The following ANK2 variants were observed in gnomAD, a reference collection of about 807,000 sequenced individuals.
ANK2 encodes ankyrin-2.
ANK2 carries 83 observed loss-of-function variants against 360.5 expected under a neutral mutation model. The observed-to-expected ratio is 0.23, with a 90% confidence interval of 0.19 to 0.28. The LOEUF is 0.28. Among genes scored for constraint, ANK2 ranks in the 10% least tolerant of loss-of-function variants. The probability of loss-of-function intolerance (pLI) is 1.00; values close to 1 mark genes in which losing one functional copy is unlikely to be tolerated. For synonymous variants in ANK2, 1,740 were observed against 1,759.5 expected (o/e 0.99, Z 0.28); for missense variants, 4,201 against 4,795.7 (o/e 0.88, Z 3.66).
At chr4:113,101,944 T>A (rs1262849728) in intron 1 of ANK2, among the ~76,000 whole-genome samples, 1 of 152,088 alleles carries the variant, frequency 6.6e-6, no homozygotes, top group Non-Finnish European at 1.5e-5. Context: ...ACATAGGGAC[T>A]GAAAGAAGGC....
In ANK2 at chr4:112,835,925, C is replaced by G. The variant is rs766294811; in HGVS notation, c.-40+17661C>G. 5.7e-4 allele frequency among the ~76,000 whole-genome samples: 86 copies of G among 151,958 alleles called. 1 individual carries two copies. The highest frequency in any genetic ancestry group is 1.1e-3 in the Non-Finnish European group (74 of 67,988). ...ATGAATATTACTTTTTTTCCCTAGG[C>G]TGTTTTCAGGAGTAATAAATAAATA... On this transcript the variant is annotated intron_variant, in intron 1 of 30. Coordinates refer to the ANK2 transcript ENST00000503271.
the ANK2 span, among the ~76,000 whole-genome samples, chr4:112,753,067 C>T: frequency 4.2e-4 from 64 of 152,328 alleles, no homozygotes; most frequent in African/African-American, 1.5e-3. Flanking sequence ...AGTCTGGTCT[C>T]TCCCTCTTCC....
the ANK2 span, among the ~76,000 whole-genome samples, chr4:112,778,728 T>C: frequency 6.6e-6 from 1 of 152,208 alleles, no homozygotes; most frequent in Non-Finnish European, 1.5e-5. Flanking sequence ...GTTACCTAGA[T>C]TATTCGTGTT....
At chr4:112,726,878 C>G in the ANK2 span, among the ~76,000 whole-genome samples, 1 of 150,050 alleles carries the variant, frequency 6.7e-6, no homozygotes, top group African/African-American at 2.5e-5. Flanking sequence ...AAAGAATTCT[C>G]CTATTGCAAA....
chr4:113,064,758 A>G (rs2074991959), intron 1 of ANK2, among the ~76,000 whole-genome samples: 1 of 149,226 alleles, frequency 6.7e-6, no homozygotes, highest in Non-Finnish European at 1.5e-5. Context: ...AAAATGTTAG[A>G]AAGTTCTGTA....
chr4:112,707,775 G>T, the ANK2 span, among the ~76,000 whole-genome samples: 1 of 152,064 alleles, frequency 6.6e-6, no homozygotes, highest in Non-Finnish European at 1.5e-5. Context: ...CACTTTTATT[G>T]ATCTAGCAAA....
chr4:113,315,666 A>AG (rs2082352161), intron 24 of ANK2, among the ~76,000 whole-genome samples: 3 of 152,280 alleles, frequency 2.0e-5, no homozygotes, highest in South Asian at 2.1e-4. Context: ...TGGGAGGCCA[A>AG]GGTGGGCGGA....
intron 1 of ANK2, among the ~76,000 whole-genome samples, chr4:113,083,493 T>C (rs1204266172): frequency 6.6e-6 from 1 of 152,206 alleles, no homozygotes; most frequent in East Asian, 1.9e-4. Context: ...TCTTAATTCC[T>C]CTTGAGTTAG....
intron 1 of ANK2, among the ~76,000 whole-genome samples, chr4:113,155,528 A>G (rs2097254177): frequency 6.6e-6 from 1 of 152,172 alleles, no homozygotes; most frequent in South Asian, 2.1e-4. Flanking sequence ...TAAGATTGTT[A>G]CTTATGACCC....
intron 2 of ANK2, among the ~76,000 whole-genome samples, chr4:112,928,949 T>G (rs2092888189): frequency 6.6e-6 from 1 of 151,662 alleles, no homozygotes; most frequent in African/African-American, 2.4e-5. Flanking sequence ...GCCTCCTGGG[T>G]TCAAGTGATT....
At chr4:113,096,060 A>G (rs896749380) in intron 1 of ANK2, among the ~76,000 whole-genome samples, 4 of 152,156 alleles carry the variant, frequency 2.6e-5, no homozygotes, top group African/African-American at 9.7e-5. Context: ...GCGTCTTACA[A>G]AGTTCATCCC....
chr4:112,928,489 T>A (rs2092826020), intron 2 of ANK2, among the ~76,000 whole-genome samples: 1 of 152,130 alleles, frequency 6.6e-6, no homozygotes, highest in African/African-American at 2.4e-5. Context: ...CTGAACTGTG[T>A]CTTCTCTGAA....
Position 113,158,934 on chromosome 4 carries a change from T to C in ANK2, c.85-15482T>C, listed in dbSNP as rs1227567796. ...TCTTTAAGTGATTTTTGAAGTTTAT[T>C]TTTTGAGTAATTAAAGCTAGCGTAA... is the stretch of plus-strand genomic sequence containing the variant. On this transcript the variant is annotated intron_variant, in intron 1 of 45. Coordinates refer to ENST00000357077, the MANE Select transcript of ANK2 (RefSeq NM_001148.6). Among the ~76,000 whole-genome samples, 3 of 152,208 alleles carry C rather than the reference T, an allele frequency of 2.0e-5. No homozygotes were observed. In the East Asian group the frequency reaches 5.8e-4, roughly 29 times the overall value.
At chr4:112,817,645 GTA>G (rs2055787794), upstream of ANK2, among the ~76,000 whole-genome samples, 1 of 150,624 alleles carries the variant, frequency 6.6e-6, no homozygotes, top group Non-Finnish European at 1.5e-5. Flanking sequence ...ATATATATAT[GTA>G]TATATGTATA....
Position 113,356,287 on chromosome 4 carries a change from G to A in ANK2, c.7669G>A (p.Val2557Ile), listed in dbSNP as rs1200339662. ...SYEVTPKTTDVSTPKPAVIHE... is the reference protein window; with the variant it reads ...SYEVTPKTTDISTPKPAVIHE... ...TGAGGTTACACCCAAAACCACAGAT[G>A]TAAGTACACCAAAACCAGCTGTGAT... Residue 2557 changes from valine (V) to isoleucine (I), a missense_variant, in exon 38 of 46, where the codon GTA becomes ATA. Val to Ile is a conservative substitution (Grantham distance 29). This residue lies in a region of ANK2 where 2,642 missense variants were observed against 2,714.5 expected (regional missense o/e 0.97). Transcript: ENST00000357077. 1 of 1,614,136 alleles carries A rather than the reference G, an allele frequency of 6.2e-7. No homozygotes were observed. Among genetic ancestry groups the A allele is most frequent in the Admixed American group, 1.7e-5 (1 of 60,010 alleles).
intron 2 of ANK2, among the ~76,000 whole-genome samples, chr4:112,912,179 A>G (rs1399060640): frequency 1.3e-5 from 2 of 151,176 alleles, no homozygotes; most frequent in African/African-American, 4.8e-5. Context: ...TCCGTTTCAA[A>G]AAAAAAAAAA....
At chr4:112,978,200 C>T (rs982283943) in intron 2 of ANK2, among the ~76,000 whole-genome samples, 3 of 151,774 alleles carry the variant, frequency 2.0e-5, no homozygotes, top group African/African-American at 7.3e-5. Context: ...GTCGAGATTG[C>T]GCCATTGCAC....
intron 9 of ANK2, among the ~76,000 whole-genome samples, chr4:113,248,145 G>T (rs1586035251): frequency 6.6e-6 from 1 of 152,100 alleles, no homozygotes; most frequent in East Asian, 1.9e-4. Context: ...TAGCTAAATG[G>T]ATTTCACAAA....
chr4:113,117,996 T>C lies in ANK2; in HGVS notation c.85-56420T>C, dbSNP rs2094997127. 2.0e-5 allele frequency among the ~76,000 whole-genome samples: 3 copies of C among 152,202 alleles called. No homozygotes were observed. In the South Asian group the frequency reaches 6.2e-4, roughly 32 times the overall value. The stretch of plus-strand genomic sequence containing the variant: ...GTCTCTGCATTTTTAAAATTTTAAT[T>C]AATTTTTTTGTTTTCTATCATTAAT... On this transcript the variant is annotated intron_variant, in intron 1 of 45. Coordinates refer to ENST00000357077, the MANE Select transcript of ANK2 (RefSeq NM_001148.6).
Sources: allele counts gnomAD v4.1 joint callset (sites outside exome capture counted in the v4.1 genomes callset), GRCh38; gene constraint gnomAD v4.1.1; regional missense constraint gnomAD v4.1.1; transcripts MANE v1.5; gene names NCBI Gene and HGNC (gene_info 2026-07-23, HGNC 2026-07-21).